Variants in TSC22D1 observed in about 807,000 individuals in gnomAD.
TSC22D1 encodes the protein TSC22 domain family protein 1.
A neutral mutation model predicts 74.2 loss-of-function variants in TSC22D1; 9 were observed. That is an observed-to-expected ratio of 0.12 (90% confidence interval 0.07 to 0.21). The LOEUF is 0.21. Among genes scored for constraint, TSC22D1 ranks in the 10% least tolerant of loss-of-function variants. The pLI is 1.00. For synonymous variants in TSC22D1, 586 were observed against 492.5 expected (o/e 1.19, Z -2.51); for missense variants, 1,427 against 1,304.7 (o/e 1.09, Z -1.44).
intron 1 of TSC22D1, among the ~76,000 whole-genome samples, chr13:44,440,031 CCCA>C (rs1329129675): frequency 1.3e-5 from 2 of 152,170 alleles, no homozygotes; most frequent in African/African-American, 4.8e-5. Flanking sequence ...TCTAAGGACT[CCCA>C]CGTCACCTCC....
At chr13:44,445,166 T>C (rs1007012944) in intron 1 of TSC22D1, among the ~76,000 whole-genome samples, 6 of 151,576 alleles carry the variant, frequency 4.0e-5, no homozygotes, top group African/African-American at 9.7e-5. Context: ...AGTGTGGTAC[T>C]AGTAAAATGA....
intron 1 of TSC22D1, among the ~76,000 whole-genome samples, chr13:44,469,760 C>G (rs996961116): frequency 6.6e-6 from 1 of 152,098 alleles, no homozygotes; most frequent in Non-Finnish European, 1.5e-5. Flanking sequence ...CTATTTAAGT[C>G]ATGAAAGTTC....
At chr13:44,461,830 T>C (rs939594769) in intron 1 of TSC22D1, among the ~76,000 whole-genome samples, 4 of 152,170 alleles carry the variant, frequency 2.6e-5, no homozygotes, top group African/African-American at 9.7e-5. Context: ...AAATGGCCAG[T>C]TCAACCTAAC....
chr13:44,534,716 T>C (rs1881048321), intron 1 of TSC22D1, among the ~76,000 whole-genome samples: 2 of 152,170 alleles, frequency 1.3e-5, no homozygotes, highest in African/African-American at 4.8e-5. Flanking sequence ...CAGTGCTAAG[T>C]AAACATTTAC....
chr13:44,465,921 T>C (rs4942332), intron 1 of TSC22D1, among the ~76,000 whole-genome samples: 72,263 of 151,966 alleles, frequency 0.48, 17,402 homozygotes, highest in Non-Finnish European at 0.51. Flanking sequence ...TGCAGTGAGC[T>C]GAGATTGTGC....
chr13:44,557,412 G>A (rs1882726809), intron 1 of TSC22D1, among the ~76,000 whole-genome samples: 1 of 152,226 alleles, frequency 6.6e-6, no homozygotes, highest in Non-Finnish European at 1.5e-5. Context: ...GGTGAGCTGA[G>A]ATCACGTCAC....
At chr13:44,522,570 A>C (rs748407177) in intron 1 of TSC22D1, among the ~76,000 whole-genome samples, 10 of 152,202 alleles carry the variant, frequency 6.6e-5, no homozygotes, top group Admixed American at 1.3e-4. Context: ...GATCTTTGGC[A>C]AAAGTACAAA....
At chr13:44,523,122 TAGAC>T (rs1425466391) in intron 1 of TSC22D1, among the ~76,000 whole-genome samples, 1 of 151,828 alleles carries the variant, frequency 6.6e-6, no homozygotes, top group Non-Finnish European at 1.5e-5. Context: ...ACACCCCTAT[TAGAC>T]AGGCTACAAT....
At chr13:44,530,663 CA>C (rs57089792) in intron 1 of TSC22D1, among the ~76,000 whole-genome samples, 63 of 129,916 alleles carry the variant, frequency 4.8e-4, no homozygotes, top group East Asian at 2.3e-3. Flanking sequence ...TCTTAAAACT[CA>C]AAAAAAAAAA....
chr13:44,568,832 G>A (rs73190848), intron 1 of TSC22D1, among the ~76,000 whole-genome samples: 2 of 152,284 alleles, frequency 1.3e-5, no homozygotes, highest in African/African-American at 2.4e-5. Context: ...AAACCTGGGA[G>A]TGGAGGAAAA....
intron 1 of TSC22D1, among the ~76,000 whole-genome samples, chr13:44,509,766 A>G (rs1418077434): frequency 2.6e-5 from 4 of 152,186 alleles, no homozygotes; most frequent in Admixed American, 6.5e-5. Context: ...ATGAAAAAAC[A>G]TAAAAGCTAA....
At chr13:44,502,994 G>T (rs2137987352) in intron 1 of TSC22D1, among the ~76,000 whole-genome samples, 1 of 152,194 alleles carries the variant, frequency 6.6e-6, no homozygotes, top group South Asian at 2.1e-4. Context: ...CTCACAAAAG[G>T]TATTCAAAAT....
At chr13:44,566,940 G>A (rs908588497) in intron 1 of TSC22D1, among the ~76,000 whole-genome samples, 4 of 152,104 alleles carry the variant, frequency 2.6e-5, no homozygotes, top group African/African-American at 9.7e-5. Context: ...GGGAGAAGGT[G>A]CTAAAATTAA....
At chr13:44,522,844 T>G (rs1880378966) in intron 1 of TSC22D1, among the ~76,000 whole-genome samples, 1 of 151,454 alleles carries the variant, frequency 6.6e-6, no homozygotes, top group Non-Finnish European at 1.5e-5. Context: ...AAATTGAAAA[T>G]TTTTCTTCTC....
chr13:44,488,340 C>A (rs73188772), intron 1 of TSC22D1, among the ~76,000 whole-genome samples: 17,531 of 152,102 alleles, frequency 0.12, 1,052 homozygotes, highest in Non-Finnish European at 0.13. Flanking sequence ...TAGTACCCCC[C>A]CAAAAGTAAA....
At chr13:44,492,762 T>C (rs920234763) in intron 1 of TSC22D1, among the ~76,000 whole-genome samples, 3 of 152,182 alleles carry the variant, frequency 2.0e-5, no homozygotes, top group Admixed American at 6.5e-5. Context: ...TTAAGTTTGG[T>C]ATTAGATTCA....
intron 1 of TSC22D1, among the ~76,000 whole-genome samples, chr13:44,486,815 T>C (rs1878448349): frequency 6.6e-6 from 1 of 152,136 alleles, no homozygotes; most frequent in African/African-American, 2.4e-5. Flanking sequence ...GCACCCACAC[T>C]GGATAATTTC....
At chr13:44,450,782 G>A (rs1003273421) in intron 1 of TSC22D1, among the ~76,000 whole-genome samples, 2 of 152,202 alleles carry the variant, frequency 1.3e-5, no homozygotes, top group East Asian at 1.9e-4. Context: ...CTCAGGTGGG[G>A]TTGGGCATAA....
intron 1 of TSC22D1, among the ~76,000 whole-genome samples, chr13:44,458,931 G>A (rs892709217): frequency 6.6e-6 from 1 of 152,186 alleles, no homozygotes; most frequent in African/African-American, 2.4e-5. Flanking sequence ...GAACAGCCTG[G>A]GCACTGTGGA....
Sources: gnomAD v4.1 joint callset for allele counts (sites outside exome capture counted in the v4.1 genomes callset) on GRCh38, gnomAD v4.1.1 for gene constraint, MANE v1.5 for transcripts, NCBI Gene and HGNC (gene_info 2026-07-23, HGNC 2026-07-21) for gene names.